The following TRANK1 variants were observed in gnomAD, a reference collection of about 807,000 sequenced individuals.
TRANK1 encodes TPR and ankyrin repeat-containing protein 1.
TRANK1 carries 198 observed loss-of-function variants against 266.0 expected under a neutral mutation model. That is an observed-to-expected ratio of 0.74 (90% CI 0.66 to 0.84). TRANK1 has a LOEUF of 0.84. Among genes scored for constraint, TRANK1 ranks in the 40% least tolerant of loss-of-function variants. The probability of loss-of-function intolerance (pLI) is 0.00; values close to 1 mark genes in which losing one functional copy is unlikely to be tolerated. For synonymous variants in TRANK1, 1,396 were observed against 1,384.1 expected, an observed-to-expected ratio of 1.01 and a Z score of -0.19; for missense variants, 3,326 against 3,634.6, an observed-to-expected ratio of 0.92 and a Z score of 2.18.
intron 8 of TRANK1, among the ~76,000 whole-genome samples, chr3:36,877,955 G>A (rs1163263618): frequency 6.6e-6 from 1 of 152,122 alleles, no homozygotes; most frequent in Non-Finnish European, 1.5e-5. Flanking sequence ...AACAAATACT[G>A]AAAAGACTAA....
intron 1 of TRANK1, among the ~76,000 whole-genome samples, chr3:36,920,954 C>T (rs555108986): frequency 1.3e-5 from 2 of 152,220 alleles, no homozygotes; most frequent in African/African-American, 4.8e-5. Flanking sequence ...AGTTCTTTGT[C>T]CTCCATTTTA....
Position 36,856,453 on chromosome 3 carries a change from A to C in TRANK1, c.3269T>G (p.Leu1090Trp). Residue 1090 changes from leucine (L) to tryptophan (W), a missense_variant, in exon 13 of 24, where the codon TTG becomes TGG. Leu to Trp is a moderately conservative substitution (Grantham distance 61). Coordinates refer to ENST00000645898, the MANE Select transcript of TRANK1 (RefSeq NM_001329998.2). The stretch of plus-strand genomic sequence containing the variant: ...CCAGTAAACGTGGAATTTCTTCCAC[A>C]ATCTGTACAAGCAGCAGGTTGTCTT... ...TGKTTCCLYR[L>W]WKKFHVYWEK... 1.2e-6 allele frequency: 2 copies of C among 1,613,984 alleles called. No individual in the cohort carries two copies. Among genetic ancestry groups the C allele is most frequent in the Non-Finnish European group, 1.7e-6 (2 of 1,179,866 alleles).
intron 18 of TRANK1, among the ~76,000 whole-genome samples, chr3:36,841,551 T>A (rs2078844703): frequency 6.6e-6 from 1 of 152,146 alleles, no homozygotes; most frequent in South Asian, 2.1e-4. Flanking sequence ...CACAAAAGGT[T>A]AAAACTGCCA....
chr3:36,834,630 T>A, intron 21 of TRANK1, 132 bp downstream of exon 21: 1 of 1,021,534 alleles, frequency 9.8e-7, no homozygotes, highest in Admixed American at 2.7e-5. Flanking sequence ...ACTGAGGCCA[T>A]CGCTTAAGTG....
intron 1 of TRANK1, among the ~76,000 whole-genome samples, chr3:36,920,076 A>G (rs999428156): frequency 1.3e-5 from 2 of 152,220 alleles, no homozygotes; most frequent in African/African-American, 4.8e-5. Flanking sequence ...TACACAAACT[A>G]TAATAAGTTC....
intron 7 of TRANK1, 93 bp from the exon 8 acceptor site, chr3:36,890,053 A>G: frequency 6.8e-7 from 1 of 1,472,702 alleles, no homozygotes. Flanking sequence ...AAAAGAAAGA[A>G]AGAAAATCAG....
intron 10 of TRANK1, among the ~76,000 whole-genome samples, chr3:36,861,704 C>CTTTTTTT (rs375054559): frequency 1.6e-5 from 2 of 124,132 alleles, no homozygotes; most frequent in East Asian, 2.3e-4. Context: ...GAGTAGAAAA[C>CTTTTTTT]TTTTTTTTTT....
At chr3:36,877,552 T>C (rs1173531588) in intron 8 of TRANK1, among the ~76,000 whole-genome samples, 1 of 152,116 alleles carries the variant, frequency 6.6e-6, no homozygotes, top group Non-Finnish European at 1.5e-5. Flanking sequence ...TGAACTAAAA[T>C]ACATTTAACC....
At chr3:36,863,123 T>A in intron 10 of TRANK1, among the ~76,000 whole-genome samples, 1 of 148,680 alleles carries the variant, frequency 6.7e-6, no homozygotes. Flanking sequence ...GTACAAAGAG[T>A]AAGGAATAAG....
At chr3:36,914,371 G>A (rs539779990) in intron 1 of TRANK1, among the ~76,000 whole-genome samples, 3 of 151,686 alleles carry the variant, frequency 2.0e-5, no homozygotes, top group South Asian at 4.2e-4. Flanking sequence ...CTGAGCTCAA[G>A]TGAGCGCTCA....
chr3:36,927,644 C>T (rs1559478432), intron 1 of TRANK1, among the ~76,000 whole-genome samples: 1 of 152,346 alleles, frequency 6.6e-6, no homozygotes, highest in African/African-American at 2.4e-5. Context: ...TTGGGAAATT[C>T]TTTTCTCTGC....
chr3:36,836,793 C>G (rs1017120452), intron 20 of TRANK1, among the ~76,000 whole-genome samples: 3 of 152,246 alleles, frequency 2.0e-5, no homozygotes, highest in African/African-American at 7.2e-5. Context: ...CCACTTCCAC[C>G]ACCACCATGG....
At chr3:36,840,187 C>T (rs1183453848) in intron 18 of TRANK1, among the ~76,000 whole-genome samples, 1 of 151,218 alleles carries the variant, frequency 6.6e-6, no homozygotes, top group Admixed American at 6.6e-5. Context: ...ACCTGCTGCC[C>T]ATATTATCCC....
rs758736732 is a variant in TRANK1, at chr3:36,857,342, C to T, written c.2380G>A (p.Gly794Ser). Residue 794 changes from glycine (G) to serine (S), a missense_variant, in exon 13 of 24, where the codon GGC becomes AGC. Gly to Ser is a moderately conservative substitution (Grantham distance 56). Transcript: ENST00000645898. This position sits in a 1 kb window ranked among gnomAD's most constrained non-coding sequence, Gnocchi z 4.3. ...GGCACAAGCTGCAAGGCCCCAAGGC[C>T]CACCTGAGCATGTCCTTCCCCCACC... ...SEVGEGHAQV[G>S]LGALQLVPDD... 2 of 1,607,606 alleles carry T rather than the reference C, an allele frequency of 1.2e-6. No individual in the cohort carries two copies. Among genetic ancestry groups the T allele is most frequent in the Non-Finnish European group, 1.7e-6 (2 of 1,176,992 alleles).
intron 14 of TRANK1, 66 bp from the exon 15 acceptor site, chr3:36,851,922 A>G (rs2078989724): frequency 1.3e-6 from 2 of 1,506,080 alleles, no homozygotes; most frequent in South Asian, 2.6e-5. Context: ...GTCTATTTCT[A>G]TGGGAGATAG....
chr3:36,936,352 G>A (rs755616722), intron 1 of TRANK1, among the ~76,000 whole-genome samples: 1 of 151,976 alleles, frequency 6.6e-6, no homozygotes, highest in Non-Finnish European at 1.5e-5. Flanking sequence ...AGGCATGGTG[G>A]TGTATGCCTG....
intron 10 of TRANK1, among the ~76,000 whole-genome samples, chr3:36,861,497 C>T (rs2079141765): frequency 6.6e-6 from 1 of 152,018 alleles, no homozygotes; most frequent in Non-Finnish European, 1.5e-5. Context: ...TAAGAGTGTC[C>T]TTTCCTAATA....
chr3:36,906,365 G>A (rs543903046), intron 2 of TRANK1, among the ~76,000 whole-genome samples: 1 of 152,298 alleles, frequency 6.6e-6, no homozygotes, highest in South Asian at 2.1e-4. Flanking sequence ...TGTTCCAAAA[G>A]GATGATCTGG....
rs113812469 is a variant in TRANK1, at chr3:36,831,209, C to A, written c.8374G>T (p.Gly2792Trp). ...NYFSPSKAFE[G>W]AASEVAVLSR... ...AGGACTGCCACCTCGGAAGCTGCCC[C>A]CTCAAACGCTTTGCTGGGGCTGAAA... Residue 2792 changes from glycine to tryptophan, a missense_variant, in exon 22 of 24, where the codon GGG becomes TGG. By Grantham distance (184) the Gly-to-Trp change is radical. Transcript: ENST00000645898. This position sits in a 1 kb window ranked among gnomAD's most constrained non-coding sequence, Gnocchi z 5.0. 2 of 1,613,820 alleles carry A rather than the reference C, an allele frequency of 1.2e-6. No homozygotes were observed. The highest frequency in any genetic ancestry group is 2.2e-5 in the East Asian group (1 of 44,896).
Sources: gnomAD v4.1 joint callset for allele counts (sites outside exome capture counted in the v4.1 genomes callset) on GRCh38, gnomAD v4.1.1 for gene constraint, Gnocchi (gnomAD v3.1) non-coding constraint, MANE v1.5 for transcripts, NCBI Gene and HGNC (gene_info 2026-07-23, HGNC 2026-07-21) for gene names.